Variants in MEIS2 observed in about 807,000 individuals in gnomAD.
MEIS2 encodes the protein Meis homeobox 2.
In MEIS2, 9 loss-of-function variants were observed where a neutral mutation model predicts 58.6. That is an observed-to-expected ratio of 0.15 (90% CI 0.09 to 0.27). MEIS2 has a LOEUF of 0.27. Ranked by LOEUF, MEIS2 falls within the 10% of genes least tolerant of loss-of-function variation. MEIS2 has a pLI of 1.00. For synonymous variants in MEIS2, 221 were observed against 228.4 expected, an observed-to-expected ratio of 0.97 and a Z score of 0.29; for missense variants, 427 against 635.0, an observed-to-expected ratio of 0.67 and a Z score of 3.52.
At chr15:36,918,100 G>A (rs1055197912) in intron 9 of MEIS2, among the ~76,000 whole-genome samples, 5 of 152,184 alleles carry the variant, frequency 3.3e-5, no homozygotes, top group Admixed American at 2.6e-4. Context: ...ATAGAGAAGA[G>A]ACTGTATAAC....
chr15:36,933,879 G>A (rs925701834), intron 9 of MEIS2, among the ~76,000 whole-genome samples: 6 of 152,056 alleles, frequency 3.9e-5, no homozygotes, highest in East Asian at 3.8e-4. Flanking sequence ...TAATTGGTGC[G>A]ATACAAGTGG....
At chr15:37,099,188 AC>A (rs1894785226) in intron 1 of MEIS2, 1 of 1,403,728 alleles carries the variant, frequency 7.1e-7, no homozygotes, top group Admixed American at 3.0e-5. Flanking sequence ...CACACACACC[AC>A]TCACACGCAC....
Position 37,099,857 on chromosome 15 carries a change from C to T in MEIS2, c.-391G>A, listed in dbSNP as rs1894893122. 4 of 194,082 alleles carry T rather than the reference C, an allele frequency of 2.1e-5. No individual in the cohort carries two copies. The Admixed American group carries it at 2.3e-4, about 11-fold the overall frequency. 12.0% of individuals were successfully genotyped at this position (194,082 alleles called of 1,614,324 possible). A position where few individuals can be genotyped will look rare whatever the true frequency, so the allele number is the denominator to read the frequency against. On this transcript the variant is annotated 5_prime_UTR_variant, in exon 1 of 12. Coordinates refer to ENST00000561208, the MANE Select transcript of MEIS2 (RefSeq NM_170675.5). Reference sequence around the variant, plus strand: ...GAAAAAGAAGAAAAAAATTGTCAAGCCCCCGAACTGAAGGTTACGAGCGGC... The same window carrying T: ...GAAAAAGAAGAAAAAAATTGTCAAGTCCCCGAACTGAAGGTTACGAGCGGC...
chr15:37,025,664 T>G (rs930399258), intron 8 of MEIS2, among the ~76,000 whole-genome samples: 1 of 150,506 alleles, frequency 6.6e-6, no homozygotes, highest in Non-Finnish European at 1.5e-5. Flanking sequence ...TAAATAAGCA[T>G]GGGGGTATTT....
Position 36,889,273 on chromosome 15 carries a change from C to A in MEIS2, c.*2900G>T, listed in dbSNP as rs1448620863. ...TTAACACTATATGGTTGTCAAAACA[C>A]CATTCCCAGTTTCTTTGCTTTTGAC... On this transcript the variant is annotated 3_prime_UTR_variant, in exon 12 of 12. Transcript: ENST00000561208. The A allele has an allele frequency of 6.6e-6, 1 of 152,132 alleles. No homozygotes were observed. The highest frequency in any genetic ancestry group is 1.5e-5 in the Non-Finnish European group (1 of 68,038). 9.4% of individuals were successfully genotyped at this position (152,132 alleles called of 1,614,324 possible).
chr15:36,975,185 C>T (rs1595850638), intron 8 of MEIS2, among the ~76,000 whole-genome samples: 1 of 152,166 alleles, frequency 6.6e-6, no homozygotes, highest in South Asian at 2.1e-4. Context: ...TGTATCTCCT[C>T]CGTGGAATAG....
At chr15:37,018,460 T>A (rs1263275347) in intron 8 of MEIS2, among the ~76,000 whole-genome samples, 2 of 152,252 alleles carry the variant, frequency 1.3e-5, no homozygotes, top group Admixed American at 6.5e-5. Flanking sequence ...ATCAGGCTTA[T>A]AATATACAAT....
chr15:36,936,392 T>C (rs866761380), intron 9 of MEIS2, among the ~76,000 whole-genome samples: 47 of 152,298 alleles, frequency 3.1e-4, no homozygotes, highest in African/African-American at 1.0e-3. Context: ...AGATGGGGTT[T>C]CACCATGGTA....
intron 2 of MEIS2, among the ~76,000 whole-genome samples, chr15:37,097,522 T>A (rs904855669): frequency 1.3e-5 from 2 of 152,124 alleles, no homozygotes; most frequent in African/African-American, 4.8e-5. Flanking sequence ...AAGCTGCTGT[T>A]AGTGACTCCC....
In MEIS2 at chr15:37,044,059, C is replaced by T. The variant is rs182665181; in HGVS notation, c.755-7100G>A. Among the ~76,000 whole-genome samples the T allele has an allele frequency of 1.4e-4, 22 of 152,282 alleles. No homozygotes were observed. The East Asian group carries it at 2.1e-3, about 15-fold the overall frequency. ...ACAAGTAACTTCCATTGGGCACTTGCGATGTTCCAATCCTTATTTAATCTT... is the reference window on the plus strand; with the variant it reads ...ACAAGTAACTTCCATTGGGCACTTGTGATGTTCCAATCCTTATTTAATCTT... On this transcript the variant is annotated intron_variant, in intron 7 of 11. Transcript: ENST00000561208.
intron 2 of MEIS2, among the ~76,000 whole-genome samples, chr15:37,097,617 T>G (rs1439993664): frequency 2.0e-5 from 3 of 152,178 alleles, no homozygotes; most frequent in Non-Finnish European, 4.4e-5. Flanking sequence ...ACTTTCTCCT[T>G]CGTCAAGGCC....
intron 8 of MEIS2, among the ~76,000 whole-genome samples, chr15:36,985,129 G>C (rs971304703): frequency 6.6e-6 from 1 of 151,726 alleles, no homozygotes; most frequent in Admixed American, 6.6e-5. Flanking sequence ...ATTTGTACTT[G>C]ATCTTTCTTA....
intron 8 of MEIS2, among the ~76,000 whole-genome samples, chr15:36,981,837 T>C (rs1279902174): frequency 6.6e-6 from 1 of 152,128 alleles, no homozygotes; most frequent in Admixed American, 6.6e-5. Flanking sequence ...AGGCAGAGAA[T>C]GGGCAAATTC....
intron 9 of MEIS2, among the ~76,000 whole-genome samples, chr15:36,912,881 C>T (rs2057104724): frequency 6.6e-6 from 1 of 150,880 alleles, no homozygotes; most frequent in Non-Finnish European, 1.5e-5. Context: ...AAAGTGATGT[C>T]AGTGTAAACA....
intron 2 of MEIS2, chr15:37,097,168 G>T (rs541410228): frequency 6.6e-6 from 1 of 152,188 alleles, no homozygotes; most frequent in South Asian, 2.1e-4. Context: ...TCCTCCGGGC[G>T]GCTTAGCCAC....
chr15:37,012,802 T>C (rs1303047656), intron 8 of MEIS2, among the ~76,000 whole-genome samples: 1 of 152,204 alleles, frequency 6.6e-6, no homozygotes, highest in Non-Finnish European at 1.5e-5. Context: ...TTGCAAGTCA[T>C]TGACTATATT....
At chr15:37,096,873 T>G (rs186957874) in intron 2 of MEIS2, among the ~76,000 whole-genome samples, 1 of 152,318 alleles carries the variant, frequency 6.6e-6, no homozygotes, top group Admixed American at 6.5e-5. Flanking sequence ...AACTCTGCAT[T>G]TTAATGGGCA....
rs139826045 is a variant in MEIS2 at position 36,902,855 on chromosome 15, T to C, written c.978-6169A>G. Among the ~76,000 whole-genome samples, 374 of 152,340 alleles carry C rather than the reference T, an allele frequency of 2.5e-3. 2 individuals are homozygous for C. The highest frequency in any genetic ancestry group is 0.02 in the South Asian group (95 of 4,828). ...CATCTGTACCTCTTAAAGGAAAAGCTGGGCCAGTAAAATGTTTTTGTGAAG... is the reference window on the plus strand; with the variant it reads ...CATCTGTACCTCTTAAAGGAAAAGCCGGGCCAGTAAAATGTTTTTGTGAAG... On this transcript the variant is annotated intron_variant, in intron 9 of 11. Transcript: ENST00000561208.
intron 9 of MEIS2, chr15:36,897,772 A>G (rs2141228193): frequency 1.3e-5 from 2 of 152,300 alleles, no homozygotes; most frequent in South Asian, 4.1e-4. Context: ...ATACCCATTG[A>G]TAACATCTGT....
Sources: gnomAD v4.1 joint callset for allele counts (sites outside exome capture counted in the v4.1 genomes callset) on GRCh38, gnomAD v4.1.1 for gene constraint, MANE v1.5 for transcripts, NCBI Gene and HGNC (gene_info 2026-07-23, HGNC 2026-07-21) for gene names.